Variants in MYH13 observed in about 807,000 individuals in gnomAD.
MYH13 encodes the protein myosin heavy chain 13, also known as myosin-13.
In MYH13, 177 loss-of-function variants were observed where a neutral mutation model predicts 232.1. The observed-to-expected ratio is 0.76, with a 90% CI of 0.67 to 0.86. The LOEUF (loss-of-function observed/expected upper bound fraction) is 0.86, where lower values mean the gene tolerates loss of function less well. Among genes scored for constraint, MYH13 ranks in the 40% least tolerant of loss-of-function variants. The pLI, the probability that MYH13 is intolerant of heterozygous loss-of-function variation, is 0.00. For synonymous variants in MYH13, 884 were observed against 923.5 expected (o/e 0.96, Z 0.78); for missense variants, 2,246 against 2,405.9 (o/e 0.93, Z 1.39).
Position 10,301,721 on chromosome 17 carries a change from G to A in MYH13, c.5668-18C>T, listed in dbSNP as rs202035315. On this transcript the variant is annotated intron_variant, in intron 39 of 40. Transcript: ENST00000252172. Reference sequence around the variant, plus strand: ...TGCTCCTCCTGCACAGGAGACAGAGGGGGTATGACGCTGTAGAGCCTCTCA... The same window carrying A: ...TGCTCCTCCTGCACAGGAGACAGAGAGGGTATGACGCTGTAGAGCCTCTCA... 1.2e-5 allele frequency: 20 copies of A among 1,612,056 alleles called. No homozygotes were observed. The highest frequency in any genetic ancestry group is 1.6e-5 in the Non-Finnish European group (19 of 1,179,734).
At chr17:10,323,777 AAAAAAAAAAAAAGAAGAAG>A (rs1173026680) in intron 23 of MYH13, among the ~76,000 whole-genome samples, 173 of 106,330 alleles carry the variant, frequency 1.6e-3, no homozygotes, top group African/African-American at 5.6e-3. Context: ...AAAAAAAAAA[AAAAAAAAAAAAAGAAGAAG>A]AAGAAGAAGA....
Position 10,330,513 on chromosome 17 carries a change from T to G in MYH13, c.2309A>C (p.Lys770Thr). The part of the protein sequence containing the change: ...FRFGNTKVFF[K>T]AGLLGLLEEM... ...CTCCAAAAGTCCCAGGAGCCCAGCT[T>G]TGAAAAACACCTGCATTAAAAGACA... Residue 770 changes from lysine (K) to threonine (T), a missense_variant, in exon 21 of 41, where the codon AAA becomes ACA. By Grantham distance (78) the Lys-to-Thr change is moderately conservative (BLOSUM62 -1). Transcript: ENST00000252172. 6.2e-7 allele frequency: 1 copy of G among 1,609,014 alleles called. No homozygotes were observed. Among genetic ancestry groups the G allele is most frequent in the Non-Finnish European group, 8.5e-7 (1 of 1,178,448 alleles).
chr17:10,368,332 C>T (rs1244505054), intron 2 of MYH13, among the ~76,000 whole-genome samples: 1 of 152,180 alleles, frequency 6.6e-6, no homozygotes, highest in East Asian at 1.9e-4. Flanking sequence ...CCACATTGTT[C>T]CTTTTGGAGA....
chr17:10,354,536 C>T (rs1597387936), intron 11 of MYH13, 144 bp downstream of exon 11: 1 of 748,320 alleles, frequency 1.3e-6, no homozygotes, highest in Non-Finnish European at 2.1e-6. Flanking sequence ...TGTGCTAATT[C>T]TCTGAGCTCT....
intron 23 of MYH13, 145 bp from the exon 24 acceptor site, chr17:10,321,853 C>G: frequency 1.5e-6 from 1 of 681,938 alleles, no homozygotes; most frequent in Non-Finnish European, 2.4e-6. Flanking sequence ...TTGACAGACT[C>G]TCAGTTCTTT....
At chr17:10,323,117 C>T (rs1306085247) in intron 23 of MYH13, among the ~76,000 whole-genome samples, 1 of 152,134 alleles carries the variant, frequency 6.6e-6, no homozygotes, top group African/African-American at 2.4e-5. Flanking sequence ...CAAGCAATGC[C>T]ACTACAAACA....
intron 22 of MYH13, 76 bp downstream of exon 22, chr17:10,327,790 T>C: frequency 1.3e-6 from 2 of 1,561,062 alleles, no homozygotes; most frequent in South Asian, 1.2e-5. Context: ...AGACACCTGA[T>C]GGCGCCCTCA....
At chr17:10,351,846 C>T (rs1034660335) in intron 11 of MYH13, among the ~76,000 whole-genome samples, 1 of 152,144 alleles carries the variant, frequency 6.6e-6, no homozygotes, top group African/African-American at 2.4e-5. Context: ...GTAGAGTGTC[C>T]ATTGGTAGGA....
At chr17:10,350,799 C>G (rs538114074) in intron 11 of MYH13, 105 bp from the exon 12 acceptor site, 1 of 1,452,344 alleles carries the variant, frequency 6.9e-7, no homozygotes, top group Non-Finnish European at 9.6e-7. Flanking sequence ...TATGAGACAG[C>G]ATTTGCCCAA....
At position 10,304,049 on chromosome 17, in the gene MYH13, T is replaced by C. The variant is rs992132927; in HGVS notation, c.5467-551A>G. On this transcript the variant is annotated intron_variant, in intron 37 of 40. Coordinates refer to ENST00000252172, the MANE Select transcript of MYH13 (RefSeq NM_003802.3). The surrounding 1 kb of genome is among the most constrained non-coding windows in gnomAD (Gnocchi z 5.3). ...ACCAAACACCACATATTCTCACTCA[T>C]AAGTGGGAGTTGAACAATGAGAACA... Among the ~76,000 whole-genome samples the C allele has an allele frequency of 5.3e-5, 8 of 152,072 alleles. No homozygotes were observed. Among genetic ancestry groups the C allele is most frequent in the African/African-American group, 1.9e-4 (8 of 41,394 alleles).
Position 10,301,696 on chromosome 17 carries a change from T to C in MYH13, c.5675A>G (p.Gln1892Arg), listed in dbSNP as rs1487586810. The change falls in exon 40 of 41, where the codon CAG becomes CGG. Residue 1892 changes from glutamine (Q) to arginine (R), a missense_variant. Coordinates refer to ENST00000252172, the MANE Select transcript of MYH13 (RefSeq NM_003802.3). ...YKRQAEEAEEQANTQLSRCRR... is the reference protein window; with the variant it reads ...YKRQAEEAEERANTQLSRCRR... ...GCATCTGGACAGCTGCGTGTTGGCC[T>C]GCTCCTCCTGCACAGGAGACAGAGG... 1.2e-6 allele frequency: 2 copies of C among 1,613,354 alleles called. No individual in the cohort carries two copies. The highest frequency in any genetic ancestry group is 1.7e-6 in the Non-Finnish European group (2 of 1,179,952).
intron 5 of MYH13, 80 bp from the exon 6 acceptor site, chr17:10,360,268 G>T: frequency 6.8e-7 from 1 of 1,475,204 alleles, no homozygotes; most frequent in South Asian, 1.2e-5. Flanking sequence ...GGGGGTGGTT[G>T]GAGAACATAG....
Position 10,312,565 on chromosome 17 carries a change from G to C in MYH13, c.4365+9C>G, listed in dbSNP as rs765062774. ...GCCATCTTCACAAAGAAAGCGGCTG[G>C]GGAAGGACCTTGTCGAAGTTCCTCT... On this transcript the variant is annotated intron_variant, in intron 31 of 40. Coordinates refer to ENST00000252172, the MANE Select transcript of MYH13 (RefSeq NM_003802.3). The C allele has an allele frequency of 1.2e-6, 2 of 1,608,980 alleles. No individual in the cohort carries two copies. Among genetic ancestry groups the C allele is most frequent in the Non-Finnish European group, 1.7e-6 (2 of 1,177,592 alleles).
In MYH13 at chr17:10,307,154, G is replaced by A. The variant is rs1039820018; in HGVS notation, c.5170-90C>T. On this transcript the variant is annotated intron_variant, in intron 35 of 40. Transcript: ENST00000252172. Reference sequence around the variant, plus strand: ...GGTTGGCTGGGGAGGGAAGTAAATTGTGATCCTGTTCCATTTCTTATTTTT... The same window carrying A: ...GGTTGGCTGGGGAGGGAAGTAAATTATGATCCTGTTCCATTTCTTATTTTT... 4 of 1,501,734 alleles carry A rather than the reference G, an allele frequency of 2.7e-6. No individual in the cohort carries two copies. In the Admixed American group the frequency reaches 8.5e-5, roughly 32 times the overall value. 93.0% of individuals were successfully genotyped at this position (1,501,734 alleles called of 1,614,324 possible).
rs1306212851 is a variant in MYH13 at position 10,354,904 on chromosome 17, C to T, written c.892G>A (p.Glu298Lys). Residue 298 changes from glutamate (E) to lysine (K), a missense_variant, in exon 10 of 41, where the codon GAA becomes AAA. Coordinates refer to ENST00000252172, the MANE Select transcript of MYH13 (RefSeq NM_003802.3). ...TATTCCAAGAGCTTACCAATTAGTT[C>T]TGGCTTCTTGTTTGACATAATTTGG... ...FYQIMSNKKP[E>K]LIDLLLISTN... 2 of 1,599,500 alleles carry T rather than the reference C, an allele frequency of 1.3e-6. No homozygotes were observed. Among genetic ancestry groups the T allele is most frequent in the Non-Finnish European group, 1.7e-6 (2 of 1,167,016 alleles).
rs1567660812 is a variant in MYH13 at position 10,322,698 on chromosome 17, G to GA, written c.2935-991_2935-990insT. Among the ~76,000 whole-genome samples the GA allele has an allele frequency of 6.4e-5, 9 of 140,350 alleles. No individual in the cohort carries two copies. In the East Asian group the frequency reaches 1.8e-3, roughly 29 times the overall value. The allele number at this position is 140,350 out of a possible 152,430, so 92.1% of individuals were successfully genotyped here. A position where few individuals can be genotyped will look rare whatever the true frequency, so the allele number is the denominator to read the frequency against. On this transcript the variant is annotated intron_variant, in intron 23 of 40. Coordinates refer to ENST00000252172, the MANE Select transcript of MYH13 (RefSeq NM_003802.3). ...GCCCAGGCTGGAGTGCAGTGGCGCA[G>GA]TCTCAGCTCACTGCAAGCTCCGCCT...
intron 37 of MYH13, 95 bp from the exon 38 acceptor site, chr17:10,303,593 C>A: frequency 9.7e-7 from 1 of 1,033,214 alleles, no homozygotes; most frequent in Non-Finnish European, 1.5e-6. Flanking sequence ...AACTCAAGAT[C>A]CCCTAATGGT....
intron 7 of MYH13, among the ~76,000 whole-genome samples, chr17:10,359,132 T>A (rs72814785): frequency 6.6e-6 from 1 of 152,204 alleles, no homozygotes; most frequent in South Asian, 2.1e-4. Context: ...TCTTTTTGTG[T>A]GCTAATGAGA....
chr17:10,301,511 C>T, intron 40 of MYH13, 58 bp downstream of exon 40: 2 of 1,605,684 alleles, frequency 1.2e-6, no homozygotes, highest in South Asian at 2.2e-5. Context: ...TCTTACCTGG[C>T]CCCCATATTC....
Sources: allele counts gnomAD v4.1 joint callset (sites outside exome capture counted in the v4.1 genomes callset), GRCh38; gene constraint gnomAD v4.1.1; non-coding constraint Gnocchi (gnomAD v3.1); transcripts MANE v1.5; gene names NCBI Gene and HGNC (gene_info 2026-07-23, HGNC 2026-07-21).